Variants in GPC5 observed in about 807,000 individuals in gnomAD.
The protein encoded by GPC5 is glypican-5.
In GPC5, 47 loss-of-function variants were observed where a neutral mutation model predicts 53.9. The ratio of observed to expected loss-of-function variants is 0.87; its 90% confidence interval spans 0.69 to 1.11. The LOEUF (loss-of-function observed/expected upper bound fraction) is 1.11, where lower values mean the gene tolerates loss of function less well. Ranked by LOEUF, GPC5 falls within the 50% of genes most tolerant of loss-of-function variation. The probability of loss-of-function intolerance (pLI) is 0.00; values close to 1 mark genes in which losing one functional copy is unlikely to be tolerated. For synonymous variants in GPC5, 286 were observed against 263.3 expected, an observed-to-expected ratio of 1.09 and a Z score of -0.84; for missense variants, 748 against 713.1, an observed-to-expected ratio of 1.05 and a Z score of -0.56.
At chr13:92,064,315 A>G (rs2041147586) in intron 6 of GPC5, among the ~76,000 whole-genome samples, 1 of 152,212 alleles carries the variant, frequency 6.6e-6, no homozygotes. Context: ...GCCACCTGAG[A>G]GTTTTAAAAA....
intron 7 of GPC5, among the ~76,000 whole-genome samples, chr13:92,451,398 T>A (rs1442550433): frequency 6.6e-6 from 1 of 151,482 alleles, no homozygotes; most frequent in East Asian, 1.9e-4. Context: ...TGGGGGAGAC[T>A]TGACCTATTT....
At chr13:91,797,314 T>C (rs2038061880) in intron 5 of GPC5, among the ~76,000 whole-genome samples, 1 of 152,144 alleles carries the variant, frequency 6.6e-6, no homozygotes, top group Admixed American at 6.5e-5. Context: ...TTACAGACAT[T>C]GTTGCTACAA....
chr13:92,807,242 G>A (rs1244535424), intron 7 of GPC5, among the ~76,000 whole-genome samples: 4 of 151,848 alleles, frequency 2.6e-5, no homozygotes, highest in South Asian at 2.1e-4. Context: ...AATAATTCAC[G>A]TACCTAAAAC....
chr13:91,436,609 A>C (rs1031099232), intron 1 of GPC5, among the ~76,000 whole-genome samples: 2 of 152,154 alleles, frequency 1.3e-5, no homozygotes, highest in African/African-American at 4.8e-5. Context: ...ACTTCCAACT[A>C]TGTGGTCAAT....
chr13:92,632,461 C>CATATATATATATATATATAT (rs1491296731), intron 7 of GPC5, among the ~76,000 whole-genome samples: 16 of 58,052 alleles, frequency 2.8e-4, no homozygotes, highest in African/African-American at 5.4e-4. Context: ...GAAAATATTC[C>CATATATATATATATATATAT]ACATATATAT....
At chr13:92,465,203 A>G (rs1040684767) in intron 7 of GPC5, among the ~76,000 whole-genome samples, 1 of 152,094 alleles carries the variant, frequency 6.6e-6, no homozygotes, top group Non-Finnish European at 1.5e-5. Context: ...GAGAATACAC[A>G]TTGCATAAAA....
At chr13:92,058,607 A>G (rs965831110) in intron 6 of GPC5, among the ~76,000 whole-genome samples, 2 of 152,122 alleles carry the variant, frequency 1.3e-5, no homozygotes, top group Non-Finnish European at 2.9e-5. Flanking sequence ...TGGTGGTGCG[A>G]TCTTAGCTCA....
intron 5 of GPC5, among the ~76,000 whole-genome samples, chr13:91,903,330 T>C (rs547455669): frequency 1.3e-5 from 2 of 152,224 alleles, no homozygotes; most frequent in Admixed American, 1.3e-4. Context: ...CAGTTTGTGG[T>C]TATTTTGAAA....
At chr13:92,812,326 T>C (rs532661150) in intron 7 of GPC5, among the ~76,000 whole-genome samples, 1 of 152,076 alleles carries the variant, frequency 6.6e-6, no homozygotes, top group South Asian at 2.1e-4. Flanking sequence ...AATATTTTAT[T>C]CTTTGTGACA....
At chr13:91,542,189 A>G (rs1228404606) in intron 2 of GPC5, among the ~76,000 whole-genome samples, 3 of 151,946 alleles carry the variant, frequency 2.0e-5, no homozygotes, top group Non-Finnish European at 2.9e-5. Flanking sequence ...TTTTAAATGT[A>G]TTTTTTGTTC....
rs116252409 is a variant in GPC5, at chr13:91,628,103, T to G, written c.326-65084T>G. 3.0e-3 allele frequency among the ~76,000 whole-genome samples: 452 copies of G among 152,254 alleles called. 7 individuals carry two copies. Among genetic ancestry groups the G allele is most frequent in the Middle Eastern group, 0.014 (4 of 294 alleles). The stretch of plus-strand genomic sequence containing the variant: ...AATAGATAGGGCAACTTTATTTTGA[T>G]GCATGAAGTTAACTATTTGTTTTGG... On this transcript the variant is annotated intron_variant, in intron 2 of 7. Coordinates refer to ENST00000377067, the MANE Select transcript of GPC5 (RefSeq NM_004466.6).
chr13:92,445,688 G>C (rs1877787698), intron 7 of GPC5, among the ~76,000 whole-genome samples: 1 of 151,568 alleles, frequency 6.6e-6, no homozygotes, highest in Admixed American at 6.6e-5. Context: ...GTGTATATGT[G>C]CCACATTTTC....
intron 7 of GPC5, among the ~76,000 whole-genome samples, chr13:92,323,648 A>C (rs2043230842): frequency 6.6e-6 from 1 of 151,808 alleles, no homozygotes; most frequent in Non-Finnish European, 1.5e-5. Flanking sequence ...TTGTGTTTAA[A>C]ATAGGACTTG....
intron 7 of GPC5, among the ~76,000 whole-genome samples, chr13:92,807,241 C>T (rs997670243): frequency 1.3e-5 from 2 of 151,966 alleles, no homozygotes; most frequent in Non-Finnish European, 2.9e-5. Context: ...CAATAATTCA[C>T]GTACCTAAAA....
chr13:91,718,356 C>T (rs574348808), intron 3 of GPC5, among the ~76,000 whole-genome samples: 275 of 152,048 alleles, frequency 1.8e-3, no homozygotes, highest in Non-Finnish European at 3.3e-3. Flanking sequence ...GTGATCCACC[C>T]GCTTTGGCCT....
At chr13:92,137,730 A>G (rs1370446290) in intron 6 of GPC5, among the ~76,000 whole-genome samples, 2 of 152,144 alleles carry the variant, frequency 1.3e-5, no homozygotes, top group African/African-American at 4.8e-5. Flanking sequence ...GGCTTAAGCA[A>G]TCCTCCCACC....
intron 6 of GPC5, among the ~76,000 whole-genome samples, chr13:92,064,939 A>T (rs1234774327): frequency 6.6e-6 from 1 of 152,054 alleles, no homozygotes; most frequent in East Asian, 1.9e-4. Flanking sequence ...GAGCATGAAA[A>T]CAACAATTAA....
chr13:92,379,373 C>T (rs1277586233), intron 7 of GPC5, among the ~76,000 whole-genome samples: 1 of 152,162 alleles, frequency 6.6e-6, no homozygotes, highest in Non-Finnish European at 1.5e-5. Flanking sequence ...TTTTCTTACC[C>T]CTCTTCTCTG....
chr13:91,932,514 A>T (rs1381953479), intron 6 of GPC5, among the ~76,000 whole-genome samples: 1 of 152,046 alleles, frequency 6.6e-6, no homozygotes, highest in East Asian at 1.9e-4. Flanking sequence ...AGCTCAACAC[A>T]TACAAAATTA....
Sources: allele counts gnomAD v4.1 joint callset (sites outside exome capture counted in the v4.1 genomes callset), GRCh38; gene constraint gnomAD v4.1.1; transcripts MANE v1.5; gene names NCBI Gene and HGNC (gene_info 2026-07-23, HGNC 2026-07-21).